The following SLIT2 variants were observed in gnomAD, a reference collection of about 807,000 sequenced individuals.
SLIT2 encodes slit homolog 2 protein.
In SLIT2, 41 loss-of-function variants were observed where a neutral mutation model predicts 185.7. That is an observed-to-expected ratio of 0.22 (90% CI 0.17 to 0.29). The LOEUF (loss-of-function observed/expected upper bound fraction) is 0.29. SLIT2 is among the 10% of genes least tolerant of loss of function. SLIT2 has a pLI of 1.00. For synonymous variants in SLIT2, 693 were observed against 680.2 expected, an observed-to-expected ratio of 1.02 and a Z score of -0.29; for missense variants, 1,571 against 1,909.0, an observed-to-expected ratio of 0.82 and a Z score of 3.30.
intron 4 of SLIT2, among the ~76,000 whole-genome samples, chr4:20,319,257 C>T (rs1718845651): frequency 6.6e-6 from 1 of 152,022 alleles, no homozygotes; most frequent in Non-Finnish European, 1.5e-5. Context: ...TTAAGTAGTT[C>T]CTGTGTTTTC....
rs1029462270 is a variant in SLIT2, at chr4:20,368,344, A to T, written c.396-99408A>T. Among the ~76,000 whole-genome samples the T allele has an allele frequency of 1.0e-3, 154 of 149,080 alleles. 1 individual carries two copies. The highest frequency in any genetic ancestry group is 1.5e-3 in the South Asian group (7 of 4,576). Reference sequence around the variant, plus strand: ...AGAAAGTATAATAATAATAAAATTTAAAAAAAAAGATTAACAGAAAACAAA... The same window carrying T: ...AGAAAGTATAATAATAATAAAATTTTAAAAAAAAGATTAACAGAAAACAAA... On this transcript the variant is annotated intron_variant, in intron 4 of 36. Coordinates refer to ENST00000504154, the MANE Select transcript of SLIT2 (RefSeq NM_004787.4).
chr4:20,600,323 CGA>C (rs1202634321), intron 33 of SLIT2, among the ~76,000 whole-genome samples: 1 of 150,128 alleles, frequency 6.7e-6, no homozygotes, highest in Non-Finnish European at 1.5e-5. Flanking sequence ...CCTACCATAA[CGA>C]GTTTGTTTGA....
chr4:20,620,338 T>C lies in SLIT2; in HGVS notation c.*1329T>C. 4 of 425,572 alleles carry C rather than the reference T, an allele frequency of 9.4e-6. No individual in the cohort carries two copies. The highest frequency in any genetic ancestry group is 6.9e-5 in the South Asian group (4 of 58,086). The allele number at this position is 425,572 out of a possible 1,614,324, so 26.4% of individuals were successfully genotyped here. A position where few individuals can be genotyped will look rare whatever the true frequency, so the allele number is the denominator to read the frequency against. On this transcript the variant is annotated 3_prime_UTR_variant, in exon 37 of 37. Coordinates refer to ENST00000504154, the MANE Select transcript of SLIT2 (RefSeq NM_004787.4). ...GCTCCCATGTTAACATGTTTGCTGC[T>C]AAATTACAATGTAGAATTGATAATG... is the stretch of plus-strand genomic sequence containing the variant.
In SLIT2 at chr4:20,497,955, C is replaced by T. The variant is rs749875602; in HGVS notation, c.914+6056C>T. 7.2e-5 allele frequency among the ~76,000 whole-genome samples: 11 copies of T among 151,784 alleles called. No homozygotes were observed. In the South Asian group the frequency reaches 1.0e-3, roughly 14 times the overall value. ...TTTAGAGGCCGAGGCGGGCAGATCA[C>T]GAGGTCAAGAGATCAACACCATCCT... On this transcript the variant is annotated intron_variant, in intron 9 of 36. Coordinates refer to ENST00000504154, the MANE Select transcript of SLIT2 (RefSeq NM_004787.4).
chr4:20,609,863 T>A, intron 33 of SLIT2, 150 bp from the exon 34 acceptor site: 2 of 617,068 alleles, frequency 3.2e-6, no homozygotes, highest in Non-Finnish European at 2.6e-6. Context: ...TGCCTATTTT[T>A]GAAAAAAAAT....
At chr4:20,504,771 T>C (rs576297174) in intron 9 of SLIT2, among the ~76,000 whole-genome samples, 4 of 152,110 alleles carry the variant, frequency 2.6e-5, no homozygotes, top group Non-Finnish European at 5.9e-5. Context: ...TAGTCCCCCC[T>C]CTTCCACAGT....
intron 21 of SLIT2, among the ~76,000 whole-genome samples, chr4:20,545,600 CT>C (rs1373652929): frequency 6.6e-6 from 1 of 151,970 alleles, no homozygotes; most frequent in African/African-American, 2.4e-5. Context: ...GCAAATATGC[CT>C]TTAATGTGTC....
intron 4 of SLIT2, among the ~76,000 whole-genome samples, chr4:20,318,723 A>G (rs1257947498): frequency 6.6e-6 from 1 of 152,148 alleles, no homozygotes; most frequent in Non-Finnish European, 1.5e-5. Context: ...TTTCCTGCAT[A>G]AAGCCTACAG....
intron 4 of SLIT2, among the ~76,000 whole-genome samples, chr4:20,282,940 A>G (rs1007899611): frequency 2.6e-5 from 4 of 152,162 alleles, no homozygotes; most frequent in Non-Finnish European, 4.4e-5. Context: ...TTAATAGTGC[A>G]TTGGCTTATA....
At chr4:20,398,615 A>G (rs1402071648) in intron 4 of SLIT2, among the ~76,000 whole-genome samples, 1 of 151,734 alleles carries the variant, frequency 6.6e-6, no homozygotes, top group Non-Finnish European at 1.5e-5. Flanking sequence ...CTGCCAGACA[A>G]CATGCTCTGA....
rs116161423 is a variant in SLIT2 at position 20,337,838 on chromosome 4, G to T, written c.395+68957G>T. On this transcript the variant is annotated intron_variant, in intron 4 of 36. Coordinates refer to ENST00000504154, the MANE Select transcript of SLIT2 (RefSeq NM_004787.4). ...TTGAGATTTTTCTTTTGCTCCTTGT[G>T]TGTTAAGAAGAACCAAAACACTTTA... is the stretch of plus-strand genomic sequence containing the variant. 1.5e-3 allele frequency among the ~76,000 whole-genome samples: 222 copies of T among 152,028 alleles called. 1 individual carries two copies. The highest frequency in any genetic ancestry group is 5.2e-3 in the African/African-American group (216 of 41,476).
chr4:20,281,239 G>C (rs957961397), intron 4 of SLIT2, among the ~76,000 whole-genome samples: 1 of 152,208 alleles, frequency 6.6e-6, no homozygotes, highest in African/African-American at 2.4e-5. Flanking sequence ...AACTGAGGTA[G>C]TTTTAATAAT....
At position 20,528,214 on chromosome 4, in the gene SLIT2, C is replaced by A. The variant is rs1201018864; in HGVS notation, c.1463-735C>A. 2 of 531,658 alleles carry A rather than the reference C, an allele frequency of 3.8e-6. No homozygotes were observed. The highest frequency in any genetic ancestry group is 3.9e-5 in the African/African-American group (2 of 51,864). The allele number at this position is 531,658 out of a possible 1,614,324, so 32.9% of individuals were successfully genotyped here. On this transcript the variant is annotated intron_variant, in intron 15 of 36. Coordinates refer to ENST00000504154, the MANE Select transcript of SLIT2 (RefSeq NM_004787.4). The surrounding 1 kb of genome is among the most constrained non-coding windows in gnomAD (Gnocchi z 4.2). ...TATTACGTTTCCAGAACGTCTGTAG[C>A]TTTTCTCCTCCTTCCCTCCATTTTC...
chr4:20,531,843 C>T, intron 16 of SLIT2, 141 bp from the exon 17 acceptor site: 1 of 511,194 alleles, frequency 2.0e-6, no homozygotes, highest in Non-Finnish European at 3.5e-6. Context: ...CAGTATGTTC[C>T]ACAAATCTTC....
chr4:20,277,930 G>A (rs1279224757), intron 4 of SLIT2, among the ~76,000 whole-genome samples: 1 of 151,758 alleles, frequency 6.6e-6, no homozygotes, highest in Non-Finnish European at 1.5e-5. Flanking sequence ...TGGTCTTGAG[G>A]CAGAGTGATA....
At chr4:20,259,654 T>C (rs1320312581) in intron 3 of SLIT2, among the ~76,000 whole-genome samples, 1 of 151,858 alleles carries the variant, frequency 6.6e-6, no homozygotes, top group East Asian at 1.9e-4. Context: ...TGCTATATGC[T>C]CTGAAATTTG....
Position 20,480,776 on chromosome 4 carries a change from C to T in SLIT2, c.528C>T (p.Asp176=). The part of the protein sequence containing the change: ...IEDGAFRALR[D]LEVLTLNNNN... Reference sequence around the variant, plus strand: ...ATGGGGCATTCAGGGCTCTCCGGGACCTGGAAGTGCTGTAAGTACTGCTAT... The same window carrying T: ...ATGGGGCATTCAGGGCTCTCCGGGATCTGGAAGTGCTGTAAGTACTGCTAT... The change falls in exon 6 of 37, where the codon GAC becomes GAT. Residue 176 remains aspartate, a synonymous_variant. Transcript: ENST00000504154. 6.2e-7 allele frequency: 1 copy of T among 1,611,862 alleles called. No homozygotes were observed. The highest frequency in any genetic ancestry group is 8.5e-7 in the Non-Finnish European group (1 of 1,178,020).
chr4:20,611,724 G>A (rs1729237652), intron 34 of SLIT2, among the ~76,000 whole-genome samples: 1 of 152,210 alleles, frequency 6.6e-6, no homozygotes, highest in African/African-American at 2.4e-5. Flanking sequence ...CACATGCTAT[G>A]TGCCCAACAC....
chr4:20,368,352 A>G (rs1477885158), intron 4 of SLIT2, among the ~76,000 whole-genome samples: 5 of 151,734 alleles, frequency 3.3e-5, no homozygotes, highest in African/African-American at 1.2e-4. Flanking sequence ...TTAAAAAAAA[A>G]GATTAACAGA....
Sources: allele counts gnomAD v4.1 joint callset (sites outside exome capture counted in the v4.1 genomes callset), GRCh38; gene constraint gnomAD v4.1.1; non-coding constraint Gnocchi (gnomAD v3.1); transcripts MANE v1.5; gene names NCBI Gene and HGNC (gene_info 2026-07-23, HGNC 2026-07-21).